The following GABRB3 variants were observed in gnomAD, a reference collection of about 807,000 sequenced individuals.
The protein encoded by GABRB3 is gamma-aminobutyric acid type A receptor subunit beta3.
Under a neutral mutation model 52.1 loss-of-function variants are expected in GABRB3, and 14 were observed. The observed-to-expected ratio is 0.27, with a 90% CI of 0.18 to 0.42. The LOEUF (loss-of-function observed/expected upper bound fraction) is 0.42, where lower values mean the gene tolerates loss of function less well. Ranked by LOEUF, GABRB3 falls within the 10% of genes least tolerant of loss-of-function variation. GABRB3 has a pLI of 1.00. For synonymous variants in GABRB3, 260 were observed against 232.3 expected (o/e 1.12, Z -1.08); for missense variants, 307 against 609.1 (o/e 0.50, Z 5.22).
intron 8 of GABRB3, among the ~76,000 whole-genome samples, chr15:26,557,446 C>T (rs1180493352): frequency 1.3e-5 from 2 of 152,178 alleles, no homozygotes; most frequent in African/African-American, 2.4e-5. Flanking sequence ...AAAAAAGAAA[C>T]TGTAGAAGCT....
At position 26,763,529 on chromosome 15, in the gene GABRB3, T is replaced by C. The variant is rs57125816; in HGVS notation, c.240+8873A>G. The stretch of plus-strand genomic sequence containing the variant: ...ACATAGAGAATTACAGTCAGCATAA[T>C]TGGCAAAAATTAACAATATTACAAT... On this transcript the variant is annotated intron_variant, in intron 3 of 8. Coordinates refer to ENST00000311550, the MANE Select transcript of GABRB3 (RefSeq NM_000814.6). Among the ~76,000 whole-genome samples the C allele has an allele frequency of 1.3e-3, 203 of 151,686 alleles. 1 individual carries two copies. Among genetic ancestry groups the C allele is most frequent in the African/African-American group, 4.8e-3 (197 of 41,306 alleles).
At chr15:26,724,611 A>C (rs1413705680) in intron 3 of GABRB3, among the ~76,000 whole-genome samples, 1 of 152,104 alleles carries the variant, frequency 6.6e-6, no homozygotes, top group Admixed American at 6.5e-5. Flanking sequence ...AGTGAGGGGT[A>C]ATGCATCCTC....
At position 26,772,661 on chromosome 15, in the gene GABRB3, G is replaced by A; in HGVS notation, c.172+20C>T. 2 of 1,553,100 alleles carry A rather than the reference G, an allele frequency of 1.3e-6. No homozygotes were observed. Among genetic ancestry groups the A allele is most frequent in the Non-Finnish European group, 8.7e-7 (1 of 1,149,878 alleles). On this transcript the variant is annotated intron_variant, in intron 2 of 8. Transcript: ENST00000311550. ...GCCGTGGGTCGCGCTTCCCGCAACGGCCGCGCGCAGCCCACTTACCCCCGA... is the reference window on the plus strand; with the variant it reads ...GCCGTGGGTCGCGCTTCCCGCAACGACCGCGCGCAGCCCACTTACCCCCGA...
At chr15:26,741,227 T>C (rs2140160694) in intron 3 of GABRB3, among the ~76,000 whole-genome samples, 1 of 152,288 alleles carries the variant, frequency 6.6e-6, no homozygotes. Context: ...TTATATGAAT[T>C]GAGTTCCCCA....
chr15:26,646,404 T>G (rs572211974), intron 3 of GABRB3, among the ~76,000 whole-genome samples: 2 of 152,336 alleles, frequency 1.3e-5, no homozygotes, highest in South Asian at 4.1e-4. Context: ...TCATTTCTTT[T>G]TATTGCCAAA....
intron 7 of GABRB3, among the ~76,000 whole-genome samples, chr15:26,566,455 G>A (rs1168200435): frequency 6.6e-6 from 1 of 152,208 alleles, no homozygotes; most frequent in East Asian, 1.9e-4. Context: ...GCTGGGTGTG[G>A]TGGCTCACGC....
chr15:26,560,868 C>T (rs1354223653), intron 8 of GABRB3, 64 bp downstream of exon 8: 1 of 1,607,360 alleles, frequency 6.2e-7, no homozygotes, highest in Non-Finnish European at 8.5e-7. Context: ...AAATATCATG[C>T]AAGTAAATGC....
At chr15:26,755,386 A>T (rs1217257586) in intron 3 of GABRB3, among the ~76,000 whole-genome samples, 1 of 152,152 alleles carries the variant, frequency 6.6e-6, no homozygotes, top group Non-Finnish European at 1.5e-5. Context: ...TTACTGCGGA[A>T]ATTAGAATTA....
At chr15:26,696,341 C>CA (rs1318633931) in intron 3 of GABRB3, among the ~76,000 whole-genome samples, 2 of 151,986 alleles carry the variant, frequency 1.3e-5, no homozygotes, top group Non-Finnish European at 2.9e-5. Flanking sequence ...CCCCGCACAC[C>CA]TTTTTAAGAT....
intron 3 of GABRB3, among the ~76,000 whole-genome samples, chr15:26,674,540 A>G (rs778410685): frequency 1.6e-4 from 24 of 152,026 alleles, no homozygotes; most frequent in Admixed American, 2.6e-4. Flanking sequence ...GCAGAGAGGA[A>G]TATAAGACCC....
chr15:26,554,945 T>C (rs1250375436), intron 8 of GABRB3, among the ~76,000 whole-genome samples: 3 of 152,136 alleles, frequency 2.0e-5, no homozygotes, highest in Non-Finnish European at 4.4e-5. Context: ...TTTGGGAGGC[T>C]GAGGCGGGCG....
intron 3 of GABRB3, chr15:26,624,267 A>C: frequency 1.0e-6 from 1 of 985,732 alleles, no homozygotes; most frequent in Non-Finnish European, 1.2e-6. Flanking sequence ...GTTTCACAAC[A>C]AAAGGAGGAT....
At chr15:26,591,362 C>A (rs973316282) in intron 4 of GABRB3, among the ~76,000 whole-genome samples, 1 of 152,122 alleles carries the variant, frequency 6.6e-6, no homozygotes, top group Non-Finnish European at 1.5e-5. Flanking sequence ...ATAGCAAAAC[C>A]CTTAGCAAAC....
At chr15:26,675,125 A>G (rs1888026796) in intron 3 of GABRB3, among the ~76,000 whole-genome samples, 1 of 152,176 alleles carries the variant, frequency 6.6e-6, no homozygotes, top group Non-Finnish European at 1.5e-5. Flanking sequence ...ATATTAAATT[A>G]CACTCGAGAG....
At chr15:26,668,470 A>C (rs535689240) in intron 3 of GABRB3, among the ~76,000 whole-genome samples, 23 of 152,006 alleles carry the variant, frequency 1.5e-4, no homozygotes, top group African/African-American at 5.3e-4. Flanking sequence ...ACCAAGGCTC[A>C]CTCTTCTTTT....
chr15:26,577,940 C>A (rs766728817), intron 6 of GABRB3, among the ~76,000 whole-genome samples: 4 of 152,140 alleles, frequency 2.6e-5, no homozygotes, highest in Non-Finnish European at 5.9e-5. Context: ...ATGCTGCCAC[C>A]GTGGCCTGAC....
chr15:26,602,095 G>A (rs1891610030), intron 4 of GABRB3, among the ~76,000 whole-genome samples: 2 of 152,060 alleles, frequency 1.3e-5, no homozygotes, highest in Admixed American at 1.3e-4. Context: ...AACCAAATAA[G>A]AGCAAGAGTA....
intron 3 of GABRB3, among the ~76,000 whole-genome samples, chr15:26,677,467 G>A (rs1288790850): frequency 6.6e-6 from 1 of 152,078 alleles, no homozygotes; most frequent in African/African-American, 2.4e-5. Flanking sequence ...AAGGGCTCTG[G>A]CCTCCTCTTG....
At chr15:26,625,845 C>T (rs1892670443) in intron 3 of GABRB3, among the ~76,000 whole-genome samples, 2 of 152,060 alleles carry the variant, frequency 1.3e-5, no homozygotes, top group Non-Finnish European at 1.5e-5. Context: ...CTGTTGATAT[C>T]GTTTACAGAA....
Sources: gnomAD v4.1 joint callset for allele counts (sites outside exome capture counted in the v4.1 genomes callset) on GRCh38, gnomAD v4.1.1 for gene constraint, MANE v1.5 for transcripts, NCBI Gene and HGNC (gene_info 2026-07-23, HGNC 2026-07-21) for gene names.